The following AUTS2 variants were observed in gnomAD, a reference collection of about 807,000 sequenced individuals.
The protein encoded by AUTS2 is activator of transcription and developmental regulator AUTS2.
AUTS2 carries 17 observed loss-of-function variants against 112.4 expected under a neutral mutation model. The ratio of observed to expected loss-of-function variants is 0.15; its 90% CI spans 0.10 to 0.23. The LOEUF (loss-of-function observed/expected upper bound fraction) is 0.23. Among genes scored for constraint, AUTS2 ranks in the 10% least tolerant of loss-of-function variants. The pLI is 1.00. For synonymous variants in AUTS2, 751 were observed against 702.7 expected (o/e 1.07, Z -1.09); for missense variants, 1,510 against 1,701.6 (o/e 0.89, Z 1.98).
intron 4 of AUTS2, among the ~76,000 whole-genome samples, chr7:70,303,422 A>ACGCACG (rs1789319506): frequency 8.0e-6 from 1 of 125,664 alleles, no homozygotes; most frequent in African/African-American, 3.2e-5. Context: ...GCACACACAC[A>ACGCACG]CGCGCGCGCG....
chr7:70,438,241 T>A (rs1795977083), intron 5 of AUTS2, among the ~76,000 whole-genome samples: 1 of 152,118 alleles, frequency 6.6e-6, no homozygotes, highest in African/African-American at 2.4e-5. Flanking sequence ...GTCGGAATAA[T>A]GGGTATTGGG....
At chr7:70,396,423 C>T (rs1361445778) in intron 4 of AUTS2, among the ~76,000 whole-genome samples, 2 of 150,954 alleles carry the variant, frequency 1.3e-5, no homozygotes, top group Non-Finnish European at 2.9e-5. Flanking sequence ...GTCACCCAGG[C>T]TGGAGTACAG....
intron 4 of AUTS2, among the ~76,000 whole-genome samples, chr7:70,145,607 T>C (rs907212923): frequency 1.1e-4 from 16 of 152,154 alleles, no homozygotes; most frequent in African/African-American, 3.9e-4. Flanking sequence ...TTCTATTATT[T>C]GTAGTAGGTC....
At chr7:70,134,668 TTC>T in intron 4 of AUTS2, 97 bp downstream of exon 4, 1 of 1,163,074 alleles carries the variant, frequency 8.6e-7, no homozygotes, top group Non-Finnish European at 1.3e-6. Flanking sequence ...ATCTGAGAAT[TTC>T]TCTCTCAGTC....
chr7:70,456,539 G>C (rs73448875), intron 5 of AUTS2, among the ~76,000 whole-genome samples: 2 of 152,170 alleles, frequency 1.3e-5, no homozygotes, highest in Admixed American at 1.3e-4. Context: ...GGACAGAAGA[G>C]CTGGGAAGGG....
intron 4 of AUTS2, among the ~76,000 whole-genome samples, chr7:70,354,131 C>T (rs1323037306): frequency 1.3e-5 from 2 of 152,206 alleles, no homozygotes; most frequent in Non-Finnish European, 2.9e-5. Flanking sequence ...GTTTCTCACT[C>T]AGTACATTCC....
intron 14 of AUTS2, among the ~76,000 whole-genome samples, chr7:70,779,324 C>G (rs1270140282): frequency 6.6e-6 from 1 of 152,130 alleles, no homozygotes; most frequent in Non-Finnish European, 1.5e-5. Flanking sequence ...AGTCGTTCAC[C>G]CAGTGTTTAT....
chr7:70,646,939 C>T (rs1054833845), intron 5 of AUTS2, among the ~76,000 whole-genome samples: 3 of 152,350 alleles, frequency 2.0e-5, no homozygotes, highest in Non-Finnish European at 2.9e-5. Context: ...CCTTGCTGCT[C>T]ATCATTCCAG....
intron 4 of AUTS2, among the ~76,000 whole-genome samples, chr7:70,371,350 TAGAA>T (rs1409651430): frequency 2.6e-5 from 4 of 152,192 alleles, no homozygotes; most frequent in Non-Finnish European, 5.9e-5. Flanking sequence ...GATTAAATAA[TAGAA>T]TGAATGTATT....
chr7:69,669,267 CAAATAA>C (rs895577547), intron 1 of AUTS2, among the ~76,000 whole-genome samples: 6 of 151,618 alleles, frequency 4.0e-5, no homozygotes, highest in Non-Finnish European at 7.4e-5. Flanking sequence ...GTTTTGGGGA[CAAATAA>C]AAATAATAAT....
chr7:69,957,552 A>G (rs1797265609), intron 2 of AUTS2, among the ~76,000 whole-genome samples: 1 of 152,272 alleles, frequency 6.6e-6, no homozygotes, highest in Middle Eastern at 3.4e-3. Flanking sequence ...TATGTGATAT[A>G]TCTGTGCCTT....
At chr7:70,598,679 C>G (rs549291772) in intron 5 of AUTS2, among the ~76,000 whole-genome samples, 8 of 152,162 alleles carry the variant, frequency 5.3e-5, no homozygotes, top group Non-Finnish European at 1.0e-4. Context: ...CAGCCTACCC[C>G]CAGATTCTCT....
intron 2 of AUTS2, among the ~76,000 whole-genome samples, chr7:70,007,328 A>G (rs1799590208): frequency 6.6e-6 from 1 of 152,234 alleles, no homozygotes; most frequent in Admixed American, 6.5e-5. Context: ...CTTTGAAAGT[A>G]GAAAATCTAT....
intron 4 of AUTS2, among the ~76,000 whole-genome samples, chr7:70,259,976 G>T (rs1237814935): frequency 6.6e-6 from 1 of 152,096 alleles, no homozygotes; most frequent in Non-Finnish European, 1.5e-5. Context: ...GTTTTAATTT[G>T]CCATTTTCTT....
chr7:70,563,883 A>G (rs1032748220), intron 5 of AUTS2, among the ~76,000 whole-genome samples: 2 of 152,184 alleles, frequency 1.3e-5, no homozygotes, highest in African/African-American at 4.8e-5. Context: ...TTTTTTCCAC[A>G]TTTAACTACC....
intron 3 of AUTS2, among the ~76,000 whole-genome samples, chr7:70,129,420 A>G (rs1299757901): frequency 6.6e-6 from 1 of 152,138 alleles, no homozygotes; most frequent in East Asian, 1.9e-4. Context: ...TAAATGTTCA[A>G]CTCATCTAAA....
intron 2 of AUTS2, among the ~76,000 whole-genome samples, chr7:69,915,025 A>C (rs1441171876): frequency 1.3e-5 from 2 of 152,182 alleles, no homozygotes; most frequent in Non-Finnish European, 2.9e-5. Context: ...GATATGTTTA[A>C]TGATAACTCT....
chr7:70,161,497 A>G (rs1468659281), intron 4 of AUTS2, among the ~76,000 whole-genome samples: 1 of 150,974 alleles, frequency 6.6e-6, no homozygotes, highest in Non-Finnish European at 1.5e-5. Flanking sequence ...TGACTTTTTA[A>G]TGCCTGCTTA....
chr7:70,179,252 G>A (rs544022005), intron 4 of AUTS2, among the ~76,000 whole-genome samples: 5 of 152,328 alleles, frequency 3.3e-5, no homozygotes, highest in African/African-American at 9.6e-5. Flanking sequence ...TTACAGACAC[G>A]TCTTTTGAGT....
Sources: allele counts gnomAD v4.1 joint callset (sites outside exome capture counted in the v4.1 genomes callset), GRCh38; gene constraint gnomAD v4.1.1; transcripts MANE v1.5; gene names NCBI Gene and HGNC (gene_info 2026-07-23, HGNC 2026-07-21).